Variants in FGD4 observed in about 807,000 individuals in gnomAD.
FGD4 encodes FYVE, RhoGEF and PH domain containing 4.
Under a neutral mutation model 102.0 loss-of-function variants are expected in FGD4, and 42 were observed. The ratio of observed to expected loss-of-function variants is 0.41; its 90% CI spans 0.32 to 0.53. The LOEUF is 0.53. Ranked by LOEUF, FGD4 falls within the 20% of genes least tolerant of loss-of-function variation. The pLI, the probability that FGD4 is intolerant of heterozygous loss-of-function variation, is 0.21. For missense variants in FGD4, 902 were observed against 1,078.2 expected, an observed-to-expected ratio of 0.84 and a Z score of 2.29; for synonymous variants, 380 against 375.7, an observed-to-expected ratio of 1.01 and a Z score of -0.13.
At chr12:32,505,731 G>A (rs888304382) in intron 1 of FGD4, among the ~76,000 whole-genome samples, 1 of 152,072 alleles carries the variant, frequency 6.6e-6, no homozygotes, top group South Asian at 2.1e-4. Context: ...GGCTCTGTAC[G>A]GCTAATTGTT....
At chr12:32,598,610 AT>A in intron 5 of FGD4, 24 bp downstream of exon 5, 1 of 1,581,950 alleles carries the variant, frequency 6.3e-7, no homozygotes, top group Non-Finnish European at 8.7e-7. Context: ...TCTCAGAATT[AT>A]TTTATATTTT....
intron 1 of FGD4, among the ~76,000 whole-genome samples, chr12:32,526,900 G>A (rs1297445820): frequency 1.3e-5 from 2 of 152,010 alleles, no homozygotes; most frequent in Non-Finnish European, 2.9e-5. Flanking sequence ...CACCAATTCC[G>A]AACACATTTT....
chr12:32,608,247 G>C lies in FGD4; in HGVS notation c.1543+152G>C. 3.5e-6 allele frequency: 4 copies of C among 1,129,024 alleles called. No individual in the cohort carries two copies. In the South Asian group the frequency reaches 5.5e-5, roughly 16 times the overall value. The allele number at this position is 1,129,024 out of a possible 1,614,324, so 69.9% of individuals were successfully genotyped here. A position where few individuals can be genotyped will look rare whatever the true frequency, so the allele number is the denominator to read the frequency against. On this transcript the variant is annotated intron_variant, in intron 8 of 16. Coordinates refer to ENST00000534526, the MANE Select transcript of FGD4 (RefSeq NM_001370298.3). The stretch of plus-strand genomic sequence containing the variant: ...ATTGGAAATTGTTATCATCACTTCA[G>C]TTAGGCAAGTCACTTTTGAGCCAAA...
At chr12:32,562,757 A>C (rs1364981671) in intron 1 of FGD4, among the ~76,000 whole-genome samples, 42 of 152,230 alleles carry the variant, frequency 2.8e-4, no homozygotes, top group Admixed American at 2.7e-3. Flanking sequence ...CAGGATCCCA[A>C]GGCAGAAGAA....
chr12:32,424,947 GTTCT>G (rs1220285569), intron 1 of FGD4, among the ~76,000 whole-genome samples: 1 of 152,098 alleles, frequency 6.6e-6, no homozygotes, highest in Admixed American at 6.5e-5. Context: ...ATTTGTTTAA[GTTCT>G]TTGTAGATTC....
At chr12:32,538,557 G>A (rs1942512905) in intron 1 of FGD4, among the ~76,000 whole-genome samples, 2 of 152,146 alleles carry the variant, frequency 1.3e-5, no homozygotes, top group Admixed American at 1.3e-4. Flanking sequence ...ATATAAAGAA[G>A]TATGAAGAAA....
At position 32,643,183 on chromosome 12, in the gene FGD4, G is replaced by A. The variant is rs1951245721; in HGVS notation, c.*2650G>A. 6.6e-6 allele frequency: 1 copy of A among 152,474 alleles called. No individual in the cohort carries two copies. Among genetic ancestry groups the A allele is most frequent in the Non-Finnish European group, 1.5e-5 (1 of 67,942 alleles). 9.4% of individuals were successfully genotyped at this position (152,474 alleles called of 1,614,324 possible). ...TTGCTGAAAGCCTACCATTTGGCGT[G>A]TTAAGTATGAAATATAGTGCAGACT... On this transcript the variant is annotated 3_prime_UTR_variant, in exon 17 of 17. Transcript: ENST00000534526.
chr12:32,475,979 T>G (rs1348557512), intron 1 of FGD4, among the ~76,000 whole-genome samples: 2 of 152,230 alleles, frequency 1.3e-5, no homozygotes, highest in African/African-American at 2.4e-5. Context: ...ACTACTCCTA[T>G]ATTTTATTGT....
At chr12:32,588,602 T>A (rs1947235422) in intron 4 of FGD4, among the ~76,000 whole-genome samples, 1 of 112,110 alleles carries the variant, frequency 8.9e-6, no homozygotes, top group South Asian at 2.5e-4. Context: ...GACTTGGAGC[T>A]TGGAGAAGGT....
At chr12:32,481,127 CAAAAAAAAAAAAAAA>C (rs1157108520) in intron 1 of FGD4, among the ~76,000 whole-genome samples, 47 of 27,350 alleles carry the variant, frequency 1.7e-3, no homozygotes, top group Non-Finnish European at 2.3e-3. Context: ...GACTCCGTCT[CAAAAAAAAAAAAAAA>C]AAAAAAAAAA....
chr12:32,546,518 G>GT (rs1943233607), intron 1 of FGD4, among the ~76,000 whole-genome samples: 1 of 152,248 alleles, frequency 6.6e-6, no homozygotes. Flanking sequence ...TAATGTGCAG[G>GT]TATCTGTCTC....
chr12:32,564,067 A>C, intron 1 of FGD4, 70 bp from the exon 2 acceptor site: 1 of 1,424,442 alleles, frequency 7.0e-7, no homozygotes, highest in Non-Finnish European at 9.3e-7. Context: ...GAGAGGGGAA[A>C]TTTAACTTAT....
chr12:32,582,539 T>G, intron 4 of FGD4, 72 bp downstream of exon 4: 1 of 1,577,260 alleles, frequency 6.3e-7, no homozygotes, highest in Non-Finnish European at 8.6e-7. Flanking sequence ...ACTCTTTATT[T>G]ATTGCACCCC....
intron 13 of FGD4, 97 bp downstream of exon 13, chr12:32,625,165 C>A: frequency 9.7e-7 from 1 of 1,029,778 alleles, no homozygotes; most frequent in East Asian, 2.6e-5. Flanking sequence ...TTTCCCTTTA[C>A]AATGTCAGAA....
At chr12:32,443,343 G>GT (rs1309865884) in intron 1 of FGD4, among the ~76,000 whole-genome samples, 1 of 151,904 alleles carries the variant, frequency 6.6e-6, no homozygotes, top group South Asian at 2.1e-4. Flanking sequence ...AAGACCCCTG[G>GT]TTTTTTTGGT....
chr12:32,523,513 G>C (rs1426951116), intron 1 of FGD4, among the ~76,000 whole-genome samples: 2 of 152,146 alleles, frequency 1.3e-5, no homozygotes, highest in Non-Finnish European at 2.9e-5. Flanking sequence ...GGACTGTCAT[G>C]GTAGGTATGG....
chr12:32,592,185 C>T (rs953196080), intron 4 of FGD4, among the ~76,000 whole-genome samples: 5 of 151,978 alleles, frequency 3.3e-5, no homozygotes, highest in African/African-American at 1.2e-4. Flanking sequence ...TGGGTTCAAG[C>T]GATTCTCCTG....
intron 4 of FGD4, among the ~76,000 whole-genome samples, chr12:32,594,457 G>A (rs1464859353): frequency 6.6e-6 from 1 of 152,182 alleles, no homozygotes; most frequent in Non-Finnish European, 1.5e-5. Flanking sequence ...ACATTATGGT[G>A]AGTTGTATAA....
intron 7 of FGD4, among the ~76,000 whole-genome samples, chr12:32,603,306 G>T (rs1948544428): frequency 6.6e-6 from 1 of 152,068 alleles, no homozygotes; most frequent in Non-Finnish European, 1.5e-5. Context: ...ATTTTTTCTT[G>T]ACTTTTGAAT....
Sources: gnomAD v4.1 joint callset for allele counts (sites outside exome capture counted in the v4.1 genomes callset) on GRCh38, gnomAD v4.1.1 for gene constraint, MANE v1.5 for transcripts, NCBI Gene and HGNC (gene_info 2026-07-23, HGNC 2026-07-21) for gene names.